The following SSRP1 variants were observed in gnomAD, a reference collection of about 807,000 sequenced individuals.
SSRP1 encodes the protein FACT complex subunit SSRP1.
SSRP1 carries 21 observed loss-of-function variants against 84.4 expected under a neutral mutation model. That is an observed-to-expected ratio of 0.25 (90% CI 0.18 to 0.36). The LOEUF is 0.36. SSRP1 is among the 10% of genes least tolerant of loss of function. SSRP1 has a pLI of 1.00. For missense variants in SSRP1, 519 were observed against 900.8 expected, an observed-to-expected ratio of 0.58 and a Z score of 5.43; for synonymous variants, 319 against 318.3, an observed-to-expected ratio of 1.00 and a Z score of -0.02.
chr11:57,330,783 G>A lies in SSRP1; in HGVS notation c.1296+72C>T, dbSNP rs569195163. ...AGAAGAAAGAGTGAAAAAGAAGCCGGAAAAAATCTCCACCCCTTTCTCCCC... is the reference window on the plus strand; with the variant it reads ...AGAAGAAAGAGTGAAAAAGAAGCCGAAAAAAATCTCCACCCCTTTCTCCCC... On this transcript the variant is annotated intron_variant, in intron 10 of 16. Transcript: ENST00000278412. This position sits in a 1 kb window ranked among gnomAD's most constrained non-coding sequence, Gnocchi z 4.0. The A allele has an allele frequency of 6.2e-7, 1 of 1,609,952 alleles. No homozygotes were observed. Among genetic ancestry groups the A allele is most frequent in the South Asian group, 1.1e-5 (1 of 90,832 alleles).
rs762631774 is a variant in SSRP1 at position 57,332,325 on chromosome 11, T to C, written c.873-45A>G. ...AGGTCACAACACTACTGCCTTCTAA[T>C]GGCACACCTGTCTCCTGCCTGGACA... On this transcript the variant is annotated intron_variant, in intron 7 of 16. Transcript: ENST00000278412. This position sits in a 1 kb window ranked among gnomAD's most constrained non-coding sequence, Gnocchi z 5.5. 2.5e-6 allele frequency: 4 copies of C among 1,613,914 alleles called. No homozygotes were observed. The South Asian group carries it at 3.3e-5, about 13-fold the overall frequency.
Position 57,330,612 on chromosome 11 carries a change from A to G in SSRP1, c.1297-183T>C. ...CCAAGTACTTCCTGCCAACTGGGTTAGTCCAAGCCCCAAGCCCCTCCCTCT... is the reference window on the plus strand; with the variant it reads ...CCAAGTACTTCCTGCCAACTGGGTTGGTCCAAGCCCCAAGCCCCTCCCTCT... On this transcript the variant is annotated intron_variant, in intron 10 of 16. Coordinates refer to ENST00000278412, the MANE Select transcript of SSRP1 (RefSeq NM_003146.3). The surrounding 1 kb of genome is among the most constrained non-coding windows in gnomAD (Gnocchi z 4.0). 1 of 1,432,194 alleles carries G rather than the reference A, an allele frequency of 7.0e-7. No individual in the cohort carries two copies. Among genetic ancestry groups the G allele is most frequent in the Non-Finnish European group, 9.1e-7 (1 of 1,093,346 alleles). 88.7% of individuals were successfully genotyped at this position (1,432,194 alleles called of 1,614,324 possible).
chr11:57,327,112 A>G, intron 15 of SSRP1: 1 of 812,006 alleles, frequency 1.2e-6, no homozygotes, highest in Non-Finnish European at 1.9e-6. Flanking sequence ...TGCAAAACCT[A>G]CTTGATATTT....
chr11:57,329,940 T>G, intron 12 of SSRP1, 153 bp downstream of exon 12: 2 of 950,698 alleles, frequency 2.1e-6, no homozygotes, highest in South Asian at 3.0e-5. Flanking sequence ...CTTGACAATT[T>G]CCAAAACATT....
intron 16 of SSRP1, 89 bp from the exon 17 acceptor site, chr11:57,326,567 C>T: frequency 6.5e-7 from 1 of 1,541,368 alleles, no homozygotes. Flanking sequence ...CCCTACCGCC[C>T]CCAACTACAG....
In SSRP1 at chr11:57,330,553, T is replaced by C. The variant is rs1823289727; in HGVS notation, c.1297-124A>G. The C allele has an allele frequency of 8.7e-6, 13 of 1,488,424 alleles. No homozygotes were observed. Among genetic ancestry groups the C allele is most frequent in the Admixed American group, 4.3e-5 (2 of 46,622 alleles). 92.2% of individuals were successfully genotyped at this position (1,488,424 alleles called of 1,614,324 possible). A position where few individuals can be genotyped will look rare whatever the true frequency, so the allele number is the denominator to read the frequency against. ...AGCTCCCAGAAGACCTGGGGCTGGA[T>C]TGTCCACACACAGCCAACGTGCAGG... On this transcript the variant is annotated intron_variant, in intron 10 of 16. Coordinates refer to ENST00000278412, the MANE Select transcript of SSRP1 (RefSeq NM_003146.3). This position sits in a 1 kb window ranked among gnomAD's most constrained non-coding sequence, Gnocchi z 4.0.
chr11:57,331,810 A>C lies in SSRP1; in HGVS notation c.1081T>G (p.Tyr361Asp), dbSNP rs1856096175. 1 of 1,614,134 alleles carries C rather than the reference A, an allele frequency of 6.2e-7. No homozygotes were observed. The highest frequency in any genetic ancestry group is 1.3e-5 in the African/African-American group (1 of 74,956). Residue 361 changes from tyrosine to aspartate, a missense_variant, in exon 9 of 17, where the codon TAC becomes GAC. Coordinates refer to ENST00000278412, the MANE Select transcript of SSRP1 (RefSeq NM_003146.3). ...LLYPLERGFIYVHKPPVHIRF... is the reference protein window; with the variant it reads ...LLYPLERGFIDVHKPPVHIRF... ...ATGTGCACAGGTGGCTTGTGGACGT[A>C]GATGAAGCCCCGCTCCAGCGGGTAG...
intron 12 of SSRP1, 63 bp from the exon 13 acceptor site, chr11:57,328,489 C>T: frequency 6.3e-7 from 1 of 1,598,540 alleles, no homozygotes; most frequent in South Asian, 1.1e-5. Flanking sequence ...GGCCTCAGGA[C>T]AGGAGGAAGA....
intron 4 of SSRP1, 100 bp downstream of exon 4, chr11:57,333,335 A>C (rs1289959956): frequency 1.0e-5 from 12 of 1,202,012 alleles, no homozygotes; most frequent in Non-Finnish European, 1.2e-5. Flanking sequence ...ATAGATAGGA[A>C]ACCAGAGACA....
rs778334664 is a variant in SSRP1 at position 57,332,200 on chromosome 11, A to G, written c.953T>C (p.Met318Thr). Reference protein sequence around the residue: ...GSLYEMVSRVMKALVNRKITV... With the variant: ...GSLYEMVSRVTKALVNRKITV... ...GATCTTGCGGTTTACCAGTGCTTTC[A>G]TGACCCGGCTGACCATCTCATAGAG... The change falls in exon 8 of 17, where the codon ATG becomes ACG. Residue 318 changes from methionine (M) to threonine (T), a missense_variant. By Grantham distance (81) the Met-to-Thr change is moderately conservative (BLOSUM62 -1). This residue lies in a region of SSRP1 where 159 missense variants were observed against 359.0 expected (regional missense o/e 0.44). Transcript: ENST00000278412. This position sits in a 1 kb window ranked among gnomAD's most constrained non-coding sequence, Gnocchi z 5.5. The G allele has an allele frequency of 1.2e-6, 2 of 1,613,930 alleles. No individual in the cohort carries two copies. Among genetic ancestry groups the G allele is most frequent in the Non-Finnish European group, 1.7e-6 (2 of 1,180,010 alleles).
In SSRP1 at chr11:57,330,113, C is replaced by T; in HGVS notation, c.1461G>A (p.Glu487=). ...CTCACTCCTCTGCCACATCTTCCTC[C>T]TCTTCACCTGGGTTGAATGACTCAT... ...ETDESFNPGE[E]EEDVAEEFDS... Residue 487 remains glutamate, a synonymous_variant, in exon 12 of 17, where the codon GAG becomes GAA. Transcript: ENST00000278412. This position sits in a 1 kb window ranked among gnomAD's most constrained non-coding sequence, Gnocchi z 4.0. The T allele has an allele frequency of 1.2e-6, 2 of 1,614,206 alleles. No homozygotes were observed. The highest frequency in any genetic ancestry group is 1.7e-6 in the Non-Finnish European group (2 of 1,180,044).
rs961683737 is a variant in SSRP1 at position 57,326,114 on chromosome 11, C to T, written c.*293G>A. On this transcript the variant is annotated 3_prime_UTR_variant, in exon 17 of 17. Coordinates refer to ENST00000278412, the MANE Select transcript of SSRP1 (RefSeq NM_003146.3). The stretch of plus-strand genomic sequence containing the variant: ...ATGACCCCTGCTCCAGCAACTTGAA[C>T]AGGACAAGCAGCAGCTACATCCTTA... 3.9e-5 allele frequency: 17 copies of T among 434,324 alleles called. No individual in the cohort carries two copies. In the Middle Eastern group the frequency reaches 4.3e-3, roughly 109 times the overall value. 26.9% of individuals were successfully genotyped at this position (434,324 alleles called of 1,614,324 possible).
In SSRP1 at chr11:57,326,422, T is replaced by G. The variant is rs768194455; in HGVS notation, c.2115A>C (p.Ser705=). The change falls in exon 17 of 17, where the codon TCA becomes TCC. Residue 705 remains serine, a synonymous_variant. Coordinates refer to ENST00000278412, the MANE Select transcript of SSRP1 (RefSeq NM_003146.3). ...TCCTCCGTTTCTACTCATCGGATCCTGACGCTGAGTCCTCTGAGCTGGGGG... is the reference window on the plus strand; with the variant it reads ...TCCTCCGTTTCTACTCATCGGATCCGGACGCTGAGTCCTCTGAGCTGGGGG... ...STPPSSEDSA[S]GSDE is the part of the protein sequence containing the mutation. 6.2e-7 allele frequency: 1 copy of G among 1,614,182 alleles called. No individual in the cohort carries two copies. Among genetic ancestry groups the G allele is most frequent in the Non-Finnish European group, 8.5e-7 (1 of 1,180,014 alleles).
At chr11:57,331,925 C>G (rs375324562) in intron 8 of SSRP1, 36 bp from the exon 9 acceptor site, 2 of 1,584,104 alleles carry the variant, frequency 1.3e-6, no homozygotes, top group Non-Finnish European at 1.7e-6. Flanking sequence ...TTAGTGCCAA[C>G]CTCAGCAGAG....
chr11:57,330,755 A>G lies in SSRP1; in HGVS notation c.1296+100T>C, dbSNP rs1856072761. 6.3e-7 allele frequency: 1 copy of G among 1,590,412 alleles called. No homozygotes were observed. Among genetic ancestry groups the G allele is most frequent in the Non-Finnish European group, 8.6e-7 (1 of 1,167,018 alleles). On this transcript the variant is annotated intron_variant, in intron 10 of 16. Transcript: ENST00000278412. This position sits in a 1 kb window ranked among gnomAD's most constrained non-coding sequence, Gnocchi z 4.0. Reference sequence around the variant, plus strand: ...CACCTCTTTTTTCTATAAGGGTAAGAAGAGAAGAAAGAGTGAAAAAGAAGC... The same window carrying G: ...CACCTCTTTTTTCTATAAGGGTAAGGAGAGAAGAAAGAGTGAAAAAGAAGC...
chr11:57,327,368 T>TAAAA, intron 15 of SSRP1, 58 bp downstream of exon 15: 1 of 1,299,364 alleles, frequency 7.7e-7, no homozygotes, highest in Non-Finnish European at 1.1e-6. Flanking sequence ...TTCGGCCTGT[T>TAAAA]AAAAAAAAAA....
intron 12 of SSRP1, chr11:57,329,481 A>G (rs1234094952): frequency 1.3e-5 from 2 of 157,994 alleles, no homozygotes; most frequent in Non-Finnish European, 2.8e-5. Flanking sequence ...AACCAGTAGG[A>G]TTAAGCCTGC....
Position 57,327,730 on chromosome 11 carries a change from C to T in SSRP1, c.1764G>A (p.Met588Ile). Reference protein sequence around the residue: ...SKKAGEIWKGMSKEKKEEWDR... With the variant: ...SKKAGEIWKGISKEKKEEWDR... Reference sequence around the variant, plus strand: ...TACTCACCTCTTTCTTCTCTTTGGACATTCCCTTCCAGATCTCGCCTGCCT... The same window carrying T: ...TACTCACCTCTTTCTTCTCTTTGGATATTCCCTTCCAGATCTCGCCTGCCT... The change falls in exon 14 of 17, where the codon ATG (methionine) becomes ATA (isoleucine). Residue 588 changes from methionine (M) to isoleucine (I), a missense_variant. Physicochemically the swap from Met to Ile is conservative, Grantham distance 10. This residue lies in a region of SSRP1 where 197 missense variants were observed against 265.0 expected (regional missense o/e 0.74). Transcript: ENST00000278412. The T allele has an allele frequency of 6.2e-7, 1 of 1,614,126 alleles. No individual in the cohort carries two copies. Among genetic ancestry groups the T allele is most frequent in the Non-Finnish European group, 8.5e-7 (1 of 1,180,026 alleles).
Position 57,332,603 on chromosome 11 carries a change from G to A in SSRP1, c.768+22C>T, listed in dbSNP as rs774014442. ...ACTTAGGCAAAAACCAGGATTATCC[G>A]GCCATAGGGGTTTCTGCTTACCACA... On this transcript the variant is annotated intron_variant, in intron 6 of 16. Transcript: ENST00000278412. This position sits in a 1 kb window ranked among gnomAD's most constrained non-coding sequence, Gnocchi z 5.5. 8.1e-6 allele frequency: 13 copies of A among 1,606,574 alleles called. No individual in the cohort carries two copies. Among genetic ancestry groups the A allele is most frequent in the Admixed American group, 3.3e-5 (2 of 59,768 alleles).
Sources: allele counts gnomAD v4.1 joint callset, GRCh38; gene constraint gnomAD v4.1.1; regional missense constraint gnomAD v4.1.1; non-coding constraint Gnocchi (gnomAD v3.1); transcripts MANE v1.5; gene names NCBI Gene and HGNC (gene_info 2026-07-23, HGNC 2026-07-21).